Variants in HHAT observed in about 807,000 individuals in gnomAD.
The protein encoded by HHAT is protein-cysteine N-palmitoyltransferase HHAT.
In HHAT, 47 loss-of-function variants were observed where a neutral mutation model predicts 70.8. That is an observed-to-expected ratio of 0.66 (90% CI 0.53 to 0.85). The LOEUF (loss-of-function observed/expected upper bound fraction) is 0.85, where lower values mean the gene tolerates loss of function less well. Ranked by LOEUF, HHAT falls within the 40% of genes least tolerant of loss-of-function variation. HHAT has a pLI of 0.00. For synonymous variants in HHAT, 228 were observed against 247.6 expected, an observed-to-expected ratio of 0.92 and a Z score of 0.74; for missense variants, 609 against 604.8, an observed-to-expected ratio of 1.01 and a Z score of -0.07.
At chr1:210,657,876 A>G (rs1239514443) in intron 11 of HHAT, among the ~76,000 whole-genome samples, 2 of 152,166 alleles carry the variant, frequency 1.3e-5, no homozygotes, top group African/African-American at 4.8e-5. Context: ...GACTGTGGGC[A>G]CTTCCGTCAA....
intron 7 of HHAT, among the ~76,000 whole-genome samples, chr1:210,433,648 T>C (rs2093308985): frequency 6.6e-6 from 1 of 151,934 alleles, no homozygotes; most frequent in Non-Finnish European, 1.5e-5. Flanking sequence ...GGGAGCTCCA[T>C]GGCAACAGGG....
At chr1:210,489,790 A>T (rs1399655123) in intron 8 of HHAT, among the ~76,000 whole-genome samples, 2 of 152,190 alleles carry the variant, frequency 1.3e-5, no homozygotes, top group African/African-American at 4.8e-5. Flanking sequence ...CTTTGGATAC[A>T]TGCCTTTAGT....
rs56743887 is a variant in HHAT, at chr1:210,542,496, A to AAATAT, written c.1043+29309_1043+29310insATATA. Reference sequence around the variant, plus strand: ...GCATCAGTGTTTTAGTTAAAAAAAAAATATATATATATATATATTGGTTGG... The same window carrying AAATAT: ...GCATCAGTGTTTTAGTTAAAAAAAAAAATATATATATATATATATATATTGGTTGG... On this transcript the variant is annotated intron_variant, in intron 9 of 11. Coordinates refer to ENST00000261458, the MANE Select transcript of HHAT (RefSeq NM_018194.6). 6.3e-3 allele frequency among the ~76,000 whole-genome samples: 940 copies of AAATAT among 149,460 alleles called. 2 individuals are homozygous for AAATAT. The highest frequency in any genetic ancestry group is 0.011 in the Middle Eastern group (3 of 282).
intron 3 of HHAT, among the ~76,000 whole-genome samples, chr1:210,372,677 AC>A (rs1346266372): frequency 3.3e-5 from 5 of 152,124 alleles, no homozygotes; most frequent in Non-Finnish European, 7.3e-5. Context: ...TGAAGCAGTT[AC>A]CCTTCTAGTC....
At position 210,387,629 on chromosome 1, in the gene HHAT, T is replaced by G. The variant is rs375329918; in HGVS notation, c.273+48T>G. 9 of 1,453,648 alleles carry G rather than the reference T, an allele frequency of 6.2e-6. No individual in the cohort carries two copies. The East Asian group carries it at 1.4e-4, about 22-fold the overall frequency. The allele number at this position is 1,453,648 out of a possible 1,614,324, so 90.0% of individuals were successfully genotyped here. ...CTTTTAAGTGTGTTTTTCCTTTGCTTCTTGTGAAGAAAGAGTCCAAGCTAG... is the reference window on the plus strand; with the variant it reads ...CTTTTAAGTGTGTTTTTCCTTTGCTGCTTGTGAAGAAAGAGTCCAAGCTAG... On this transcript the variant is annotated intron_variant, in intron 4 of 11. Coordinates refer to ENST00000261458, the MANE Select transcript of HHAT (RefSeq NM_018194.6).
intron 8 of HHAT, among the ~76,000 whole-genome samples, chr1:210,499,434 C>G (rs1218661586): frequency 2.0e-5 from 3 of 152,150 alleles, no homozygotes; most frequent in African/African-American, 4.8e-5. Flanking sequence ...GCCAGGAATT[C>G]AAGACCAGCC....
intron 9 of HHAT, among the ~76,000 whole-genome samples, chr1:210,575,235 C>G (rs935774412): frequency 6.6e-6 from 1 of 152,072 alleles, no homozygotes; most frequent in South Asian, 2.1e-4. Flanking sequence ...TTTTAGTACC[C>G]CCTACCCCGC....
intron 9 of HHAT, among the ~76,000 whole-genome samples, chr1:210,540,207 G>T (rs2095413870): frequency 6.6e-6 from 1 of 152,064 alleles, no homozygotes; most frequent in African/African-American, 2.4e-5. Flanking sequence ...TGTTGTTAGG[G>T]ATTGTTATTC....
chr1:210,470,488 C>T (rs1393789544), intron 8 of HHAT, among the ~76,000 whole-genome samples: 1 of 152,174 alleles, frequency 6.6e-6, no homozygotes, highest in Non-Finnish European at 1.5e-5. Flanking sequence ...TTAAAATCCC[C>T]TTTCCTTTTC....
chr1:210,529,408 G>T (rs2095289553), intron 9 of HHAT, among the ~76,000 whole-genome samples: 1 of 152,092 alleles, frequency 6.6e-6, no homozygotes. Context: ...TGAGAAGCGG[G>T]GATATCAACG....
intron 11 of HHAT, among the ~76,000 whole-genome samples, chr1:210,668,485 A>C (rs1461408307): frequency 2.0e-5 from 3 of 152,142 alleles, no homozygotes; most frequent in Non-Finnish European, 4.4e-5. Context: ...TGGTTTTATA[A>C]AGGGCAGTTC....
At chr1:210,660,742 C>G (rs902099392) in intron 11 of HHAT, among the ~76,000 whole-genome samples, 16 of 152,080 alleles carry the variant, frequency 1.1e-4, no homozygotes, top group Non-Finnish European at 1.6e-4. Flanking sequence ...ACAGAACAGA[C>G]ACCTCAGAAA....
intron 10 of HHAT, among the ~76,000 whole-genome samples, chr1:210,613,361 T>C (rs1213761339): frequency 6.6e-6 from 1 of 152,240 alleles, no homozygotes; most frequent in Admixed American, 6.5e-5. Flanking sequence ...GGAAAGACTG[T>C]TCTTTCCTCA....
chr1:210,387,029 T>C (rs556156782), intron 3 of HHAT, among the ~76,000 whole-genome samples: 1 of 152,344 alleles, frequency 6.6e-6, no homozygotes, highest in African/African-American at 2.4e-5. Context: ...AGTGAAAATA[T>C]CTAGTTGTCT....
chr1:210,365,925 T>G (rs2088908463), intron 3 of HHAT, among the ~76,000 whole-genome samples: 3 of 102,866 alleles, frequency 2.9e-5, no homozygotes, highest in South Asian at 5.4e-4. Context: ...CACATTTTAT[T>G]AAAAAAAATT....
chr1:210,496,010 CAAAAAA>C (rs10639399), intron 8 of HHAT, among the ~76,000 whole-genome samples: 13 of 67,960 alleles, frequency 1.9e-4, no homozygotes, highest in African/African-American at 2.7e-4. Context: ...AACTCTATCT[CAAAAAA>C]AAAAAAAAAA....
chr1:210,588,646 A>G (rs2148790116), intron 10 of HHAT: 1 of 152,550 alleles, frequency 6.6e-6, no homozygotes, highest in South Asian at 2.1e-4. Flanking sequence ...GATGAATATC[A>G]TAACCAGGAT....
rs75484502 is a variant in HHAT, at chr1:210,446,987, T to C, written c.857-17518T>C. Among the ~76,000 whole-genome samples the C allele has an allele frequency of 4.6e-3, 701 of 152,330 alleles. 1 individual carries two copies. Among genetic ancestry groups the C allele is most frequent in the African/African-American group, 0.016 (657 of 41,584 alleles). On this transcript the variant is annotated intron_variant, in intron 7 of 11. Transcript: ENST00000261458. ...GCCTAAAACAATAGATAGCTAATAATTGACACTCCATAAATATTTGTTGAA... is the reference window on the plus strand; with the variant it reads ...GCCTAAAACAATAGATAGCTAATAACTGACACTCCATAAATATTTGTTGAA...
intron 8 of HHAT, among the ~76,000 whole-genome samples, chr1:210,487,910 T>C (rs1323102800): frequency 3.3e-5 from 5 of 152,190 alleles, no homozygotes; most frequent in Admixed American, 3.3e-4. Flanking sequence ...ATCCATTTCC[T>C]CTTCTCACCT....
Sources: allele counts gnomAD v4.1 joint callset (sites outside exome capture counted in the v4.1 genomes callset), GRCh38; gene constraint gnomAD v4.1.1; transcripts MANE v1.5; gene names NCBI Gene and HGNC (gene_info 2026-07-23, HGNC 2026-07-21).